The following CLIP1 variants were observed in gnomAD, a reference collection of about 807,000 sequenced individuals.
The protein encoded by CLIP1 is CAP-Gly domain containing linker protein 1.
In CLIP1, 66 loss-of-function variants were observed where a neutral mutation model predicts 161.6. The observed-to-expected ratio is 0.41, with a 90% CI of 0.33 to 0.50. The LOEUF is 0.50. CLIP1 is among the 20% of genes least tolerant of loss of function. The probability of loss-of-function intolerance (pLI) is 0.27; values close to 1 mark genes in which losing one functional copy is unlikely to be tolerated. For missense variants in CLIP1, 1,376 were observed against 1,702.0 expected, an observed-to-expected ratio of 0.81 and a Z score of 3.37; for synonymous variants, 598 against 626.2, an observed-to-expected ratio of 0.96 and a Z score of 0.67.
At chr12:122,369,588 G>A (rs1053472335) in intron 3 of CLIP1, among the ~76,000 whole-genome samples, 7 of 151,700 alleles carry the variant, frequency 4.6e-5, no homozygotes, top group African/African-American at 7.3e-5. Flanking sequence ...GAAAGTTTCC[G>A]TGCTTTCATG....
At chr12:122,315,570 T>G (rs146189933) in intron 19 of CLIP1, among the ~76,000 whole-genome samples, 1 of 152,132 alleles carries the variant, frequency 6.6e-6, no homozygotes, top group African/African-American at 2.4e-5. Context: ...AACAAATTGA[T>G]GTGTAAACCT....
intron 4 of CLIP1, among the ~76,000 whole-genome samples, chr12:122,362,405 G>T (rs1953887896): frequency 2.6e-5 from 4 of 150,958 alleles, no homozygotes; most frequent in Admixed American, 2.6e-4. Flanking sequence ...AACTTCCAGA[G>T]GCCAAGGTGG....
chr12:122,323,821 C>A lies in CLIP1; in HGVS notation c.3249+4126G>T, dbSNP rs1181401269. Reference sequence around the variant, plus strand: ...CTAGCTCCTCATAAGACCTTTGAAGCTTCTGAATGATGTCATCCTTATCTT... The same window carrying A: ...CTAGCTCCTCATAAGACCTTTGAAGATTCTGAATGATGTCATCCTTATCTT... On this transcript the variant is annotated intron_variant, in intron 17 of 25. Coordinates refer to ENST00000620786, the MANE Select transcript of CLIP1 (RefSeq NM_001247997.2). The surrounding 1 kb of genome is among the most constrained non-coding windows in gnomAD (Gnocchi z 4.1). 7.2e-5 allele frequency: 11 copies of A among 152,616 alleles called. No homozygotes were observed. Among genetic ancestry groups the A allele is most frequent in the Admixed American group, 7.2e-4 (11 of 15,264 alleles). The allele number at this position is 152,616 out of a possible 1,614,324, so 9.5% of individuals were successfully genotyped here. A position where few individuals can be genotyped will look rare whatever the true frequency, so the allele number is the denominator to read the frequency against.
intron 1 of CLIP1, among the ~76,000 whole-genome samples, chr12:122,392,462 G>GTCTCTTCT (rs1476785071): frequency 1.1e-4 from 17 of 152,116 alleles, no homozygotes; most frequent in African/African-American, 4.1e-4. Context: ...TGTGGTAGAA[G>GTCTCTTCT]AGAGTGAGTG....
At position 122,321,018 on chromosome 12, in the gene CLIP1, TTAAATAAATAAATAAA is replaced by T. The variant is rs56780235; in HGVS notation, c.3250-1686_3250-1671del. Reference sequence around the variant, plus strand: ...CCACCGCACCCGGTGAGACTCTGTCTTAAATAAATAAATAAATAAATAAATAAATAAATAAATAAAG... The same window carrying T: ...CCACCGCACCCGGTGAGACTCTGTCTTAAATAAATAAATAAATAAATAAAG... On this transcript the variant is annotated intron_variant, in intron 17 of 25. Coordinates refer to ENST00000620786, the MANE Select transcript of CLIP1 (RefSeq NM_001247997.2). 1.1e-3 allele frequency among the ~76,000 whole-genome samples: 156 copies of T among 145,086 alleles called. 1 individual carries two copies. Among genetic ancestry groups the T allele is most frequent in the Middle Eastern group, 3.5e-3 (1 of 284 alleles).
intron 8 of CLIP1, among the ~76,000 whole-genome samples, chr12:122,351,439 G>C (rs776224241): frequency 6.6e-6 from 1 of 152,196 alleles, no homozygotes; most frequent in African/African-American, 2.4e-5. Flanking sequence ...GGCTGTATAT[G>C]AAATGAGTGA....
chr12:122,295,479 T>A (rs572853577), intron 20 of CLIP1, among the ~76,000 whole-genome samples: 1 of 152,384 alleles, frequency 6.6e-6, no homozygotes, highest in South Asian at 2.1e-4. Flanking sequence ...GAAAATAGTT[T>A]GAAATATTTC....
chr12:122,334,090 G>T lies in CLIP1; in HGVS notation c.2647C>A (p.Gln883Lys). Residue 883 changes from glutamine to lysine, a missense_variant, in exon 14 of 26, where the codon CAA (glutamine) becomes AAA (lysine). Around this residue, in one of 6 missense-constraint regions of CLIP1, gnomAD observed 948 missense variants for 1,134.8 expected, o/e 0.84. Transcript: ENST00000620786. ...SMQETVNKLH[Q>K]KEEQFNMLSS... ...AGCATGTTAAACTGTTCCTCCTTTT[G>T]GTGTAACTTATTTACAGTTTCTATT... is the stretch of plus-strand genomic sequence containing the variant. 6.2e-7 allele frequency: 1 copy of T among 1,610,638 alleles called. No individual in the cohort carries two copies. Among genetic ancestry groups the T allele is most frequent in the Non-Finnish European group, 8.5e-7 (1 of 1,177,070 alleles).
intron 21 of CLIP1, among the ~76,000 whole-genome samples, chr12:122,286,859 G>A (rs1006469268): frequency 1.3e-5 from 2 of 152,076 alleles, no homozygotes; most frequent in African/African-American, 4.8e-5. Flanking sequence ...TTAGCCGGGT[G>A]TGGTGTCATG....
At chr12:122,316,432 A>G (rs1951273065) in intron 19 of CLIP1, among the ~76,000 whole-genome samples, 3 of 151,392 alleles carry the variant, frequency 2.0e-5, no homozygotes, top group Admixed American at 2.0e-4. Context: ...CTGGTCTCAA[A>G]CTCCCAGGCT....
chr12:122,307,309 T>C (rs1019900466), intron 20 of CLIP1, among the ~76,000 whole-genome samples: 2 of 152,056 alleles, frequency 1.3e-5, no homozygotes, highest in African/African-American at 4.8e-5. Context: ...GCCCAGCCAT[T>C]AGTTCACTTT....
intron 1 of CLIP1, among the ~76,000 whole-genome samples, chr12:122,414,152 T>G (rs531009389): frequency 3.0e-4 from 46 of 152,284 alleles, no homozygotes; most frequent in African/African-American, 4.8e-4. Flanking sequence ...TTGTTTGTTT[T>G]TTTTGAGACA....
rs1951901515 is a variant in CLIP1, at chr12:122,330,597, G to GTTTTTTTTTGTTT, written c.2868-2172_2868-2171insAAACAAAAAAAAA. On this transcript the variant is annotated intron_variant, in intron 15 of 25. Transcript: ENST00000620786. ...TTCAGCACTGAAGAAGTATAATGCA[G>GTTTTTTTTTGTTT]TTTTTTTTTTTTTTTTTTTTGAGAT... 2.0e-5 allele frequency among the ~76,000 whole-genome samples: 2 copies of GTTTTTTTTTGTTT among 101,404 alleles called. 1 individual carries two copies. Among genetic ancestry groups the GTTTTTTTTTGTTT allele is most frequent in the African/African-American group, 8.8e-5 (2 of 22,768 alleles). The allele number at this position is 101,404 out of a possible 152,430, so 66.5% of individuals were successfully genotyped here.
Position 122,335,423 on chromosome 12 carries a change from A to G in CLIP1, c.2569-718T>C, listed in dbSNP as rs1035304158. On this transcript the variant is annotated intron_variant, in intron 12 of 25. Transcript: ENST00000620786. ...GTCTTGTCCTAAGATATACGGAAGGATACTCTAACTTAGGGGGAAAAAAAA... is the reference window on the plus strand; with the variant it reads ...GTCTTGTCCTAAGATATACGGAAGGGTACTCTAACTTAGGGGGAAAAAAAA... Among the ~76,000 whole-genome samples, 5 of 151,806 alleles carry G rather than the reference A, an allele frequency of 3.3e-5. No homozygotes were observed. In the East Asian group the frequency reaches 5.8e-4, roughly 18 times the overall value.
chr12:122,416,548 C>T (rs1299164340), intron 1 of CLIP1, among the ~76,000 whole-genome samples: 2 of 152,080 alleles, frequency 1.3e-5, no homozygotes, highest in African/African-American at 2.4e-5. Context: ...CACTTAAGCT[C>T]AGGAATTTGA....
intron 24 of CLIP1, chr12:122,276,318 G>A (rs2136203418): frequency 2.1e-5 from 24 of 1,132,948 alleles, no homozygotes; most frequent in Non-Finnish European, 2.5e-5. Flanking sequence ...AGTCATTATC[G>A]TGTTAAGAGC....
rs117298393 is a variant in CLIP1, at chr12:122,355,749, G to T, written c.1006-437C>A. ...CTGCTTCAGCCTCCCAAGTAGCTGG[G>T]ATCACAGGCGTGCACCACTACCGCC... is the stretch of plus-strand genomic sequence containing the variant. On this transcript the variant is annotated intron_variant, in intron 5 of 25. Coordinates refer to ENST00000620786, the MANE Select transcript of CLIP1 (RefSeq NM_001247997.2). This position sits in a 1 kb window ranked among gnomAD's most constrained non-coding sequence, Gnocchi z 4.1. 568 of 174,108 alleles carry T rather than the reference G, an allele frequency of 3.3e-3. 3 individuals are homozygous for T. The highest frequency in any genetic ancestry group is 0.032 in the East Asian group (179 of 5,634). 10.8% of individuals were successfully genotyped at this position (174,108 alleles called of 1,614,324 possible).
chr12:122,351,050 T>C (rs909889038), intron 9 of CLIP1, 61 bp downstream of exon 9: 38 of 1,275,156 alleles, frequency 3.0e-5, no homozygotes, highest in Non-Finnish European at 4.2e-5. Context: ...AATAAGCATT[T>C]TAATCTGTGA....
At chr12:122,325,059 T>G (rs1348087881) in intron 17 of CLIP1, among the ~76,000 whole-genome samples, 1 of 151,050 alleles carries the variant, frequency 6.6e-6, no homozygotes, top group African/African-American at 2.4e-5. Context: ...ATATAATTTT[T>G]TTTTTTTTTT....
Sources: gnomAD v4.1 joint callset for allele counts (sites outside exome capture counted in the v4.1 genomes callset) on GRCh38, gnomAD v4.1.1 for gene constraint, gnomAD v4.1.1 regional missense constraint, Gnocchi (gnomAD v3.1) non-coding constraint, MANE v1.5 for transcripts, NCBI Gene and HGNC (gene_info 2026-07-23, HGNC 2026-07-21) for gene names.